Variants in PTPRD observed in about 807,000 individuals in gnomAD.
PTPRD encodes receptor-type tyrosine-protein phosphatase delta.
PTPRD carries 34 observed loss-of-function variants against 214.5 expected under a neutral mutation model. That is an observed-to-expected ratio of 0.16 (90% CI 0.12 to 0.21). PTPRD has a LOEUF of 0.21. PTPRD is among the 10% of genes least tolerant of loss of function. PTPRD has a pLI of 1.00. For synonymous variants in PTPRD, 1,128 were observed against 845.7 expected (o/e 1.33, Z -5.79); for missense variants, 2,545 against 2,398.7 (o/e 1.06, Z -1.27).
intron 8 of PTPRD, among the ~76,000 whole-genome samples, chr9:9,525,794 A>G (rs140756652): frequency 1.3e-5 from 2 of 152,076 alleles, no homozygotes; most frequent in Non-Finnish European, 2.9e-5. Flanking sequence ...CATATTTCTT[A>G]AATTTTATAC....
intron 3 of PTPRD, among the ~76,000 whole-genome samples, chr9:10,274,525 G>C (rs1401257761): frequency 6.6e-6 from 1 of 152,150 alleles, no homozygotes; most frequent in Non-Finnish European, 1.5e-5. Context: ...TAAATTAGAA[G>C]ACAAGTATGG....
chr9:10,062,029 T>C (rs202134091), intron 3 of PTPRD, among the ~76,000 whole-genome samples: 1 of 111,038 alleles, frequency 9.0e-6, no homozygotes, highest in African/African-American at 8.1e-5. Context: ...TCGAGAACCA[T>C]TGATTGATTG....
intron 8 of PTPRD, among the ~76,000 whole-genome samples, chr9:9,437,802 G>C (rs758062995): frequency 2.0e-5 from 3 of 152,164 alleles, no homozygotes; most frequent in Non-Finnish European, 2.9e-5. Flanking sequence ...GGGATATGCT[G>C]ATCCCTCCCT....
At chr9:8,938,576 C>T (rs1588454097) in intron 11 of PTPRD, among the ~76,000 whole-genome samples, 1 of 151,952 alleles carries the variant, frequency 6.6e-6, no homozygotes, top group Admixed American at 6.6e-5. Context: ...AGGTTCACAC[C>T]TCCTCATAAT....
chr9:9,228,652 C>G (rs1474158342), intron 9 of PTPRD, among the ~76,000 whole-genome samples: 2 of 151,970 alleles, frequency 1.3e-5, no homozygotes, highest in Non-Finnish European at 2.9e-5. Context: ...ATCACTGTTT[C>G]TGTTCCTGCA....
intron 12 of PTPRD, among the ~76,000 whole-genome samples, chr9:8,717,617 C>T (rs1463102403): frequency 9.9e-5 from 15 of 152,188 alleles, no homozygotes; most frequent in Admixed American, 8.5e-4. Context: ...ATTTGTAATA[C>T]TCAGCCTCAC....
At chr9:10,110,270 T>G (rs1055800832) in intron 3 of PTPRD, among the ~76,000 whole-genome samples, 17 of 152,200 alleles carry the variant, frequency 1.1e-4, no homozygotes, top group African/African-American at 4.1e-4. Context: ...TTGCACAAAC[T>G]TGGAATTTCA....
intron 11 of PTPRD, among the ~76,000 whole-genome samples, chr9:8,744,528 TAAGTG>T (rs1015428367): frequency 9.8e-5 from 15 of 152,376 alleles, no homozygotes; most frequent in African/African-American, 3.6e-4. Context: ...ACTATTATTC[TAAGTG>T]AAGTAGCTCA....
intron 12 of PTPRD, among the ~76,000 whole-genome samples, chr9:8,707,807 C>G (rs1329068843): frequency 1.3e-5 from 2 of 152,144 alleles, no homozygotes; most frequent in South Asian, 2.1e-4. Flanking sequence ...AAGCAAGAAA[C>G]CATATAATGC....
chr9:10,149,199 T>C (rs1284385940), intron 3 of PTPRD, among the ~76,000 whole-genome samples: 1 of 152,190 alleles, frequency 6.6e-6, no homozygotes, highest in Non-Finnish European at 1.5e-5. Context: ...TTAAGTTATA[T>C]ATCCCATGGC....
At chr9:9,818,042 CT>C (rs1246743212) in intron 5 of PTPRD, among the ~76,000 whole-genome samples, 2 of 152,272 alleles carry the variant, frequency 1.3e-5, no homozygotes, top group Non-Finnish European at 2.9e-5. Context: ...TTGTATGTAA[CT>C]TTGGTTCTCT....
intron 2 of PTPRD, among the ~76,000 whole-genome samples, chr9:10,446,491 G>A (rs2098800784): frequency 7.5e-6 from 1 of 133,338 alleles, no homozygotes; most frequent in African/African-American, 2.9e-5. Flanking sequence ...CTCTTTTAGT[G>A]GGACCCAATA....
intron 4 of PTPRD, among the ~76,000 whole-genome samples, chr9:9,945,848 C>G (rs950033934): frequency 2.0e-5 from 3 of 152,000 alleles, no homozygotes; most frequent in Non-Finnish European, 4.4e-5. Flanking sequence ...AGTTAAAAAT[C>G]AGAAACAAAG....
At chr9:10,032,767 C>T (rs2097106763) in intron 4 of PTPRD, among the ~76,000 whole-genome samples, 1 of 151,996 alleles carries the variant, frequency 6.6e-6, no homozygotes, top group Non-Finnish European at 1.5e-5. Context: ...TTGGGATTCC[C>T]AAAATTTTAT....
chr9:9,435,816 C>T (rs535992749), intron 8 of PTPRD, among the ~76,000 whole-genome samples: 1 of 152,028 alleles, frequency 6.6e-6, no homozygotes, highest in Non-Finnish European at 1.5e-5. Context: ...AATAAACTAA[C>T]TTATCATTTA....
chr9:10,357,678 G>C (rs2097303168), intron 2 of PTPRD, among the ~76,000 whole-genome samples: 1 of 152,088 alleles, frequency 6.6e-6, no homozygotes, highest in Non-Finnish European at 1.5e-5. Context: ...GTTTGTTAGA[G>C]AATTAAAGAA....
rs571973181 is a variant in PTPRD, at chr9:10,448,105, C to T, written c.-599-107088G>A. The stretch of plus-strand genomic sequence containing the variant: ...CCAAATATAATTGAATTATTCATTA[C>T]GCAATTGTAACTGAGGCTACAAATT... On this transcript the variant is annotated intron_variant, in intron 2 of 45. Transcript: ENST00000381196. 2.8e-4 allele frequency among the ~76,000 whole-genome samples: 42 copies of T among 152,112 alleles called. 3 individuals are homozygous for T. The highest frequency in any genetic ancestry group is 7.0e-4 in the African/African-American group (29 of 41,410).
At chr9:9,973,306 A>T (rs1346480255) in intron 4 of PTPRD, among the ~76,000 whole-genome samples, 1 of 151,150 alleles carries the variant, frequency 6.6e-6, no homozygotes, top group Admixed American at 6.6e-5. Context: ...TCTTTCAAAA[A>T]AAAAAAAAAA....
intron 10 of PTPRD, among the ~76,000 whole-genome samples, chr9:9,160,685 C>T (rs372847658): frequency 1.3e-5 from 2 of 152,106 alleles, no homozygotes; most frequent in African/African-American, 4.8e-5. Flanking sequence ...TCTGGATATA[C>T]ATTCAAAGGA....
Sources: allele counts gnomAD v4.1 joint callset (sites outside exome capture counted in the v4.1 genomes callset), GRCh38; gene constraint gnomAD v4.1.1; transcripts MANE v1.5; gene names NCBI Gene and HGNC (gene_info 2026-07-23, HGNC 2026-07-21).